The following ATL2 variants were observed in gnomAD, a reference collection of about 807,000 sequenced individuals.
ATL2 encodes the protein atlastin GTPase 2.
In ATL2, 31 loss-of-function variants were observed where a neutral mutation model predicts 73.9. That is an observed-to-expected ratio of 0.42 (90% CI 0.32 to 0.57). The LOEUF is 0.57. Among genes scored for constraint, ATL2 ranks in the 20% least tolerant of loss-of-function variants. ATL2 has a pLI of 0.14. For missense variants in ATL2, 738 were observed against 702.6 expected, an observed-to-expected ratio of 1.05 and a Z score of -0.57; for synonymous variants, 291 against 237.5, an observed-to-expected ratio of 1.23 and a Z score of -2.07.
At chr2:38,355,921 C>T (rs1304597390) in intron 1 of ATL2, among the ~76,000 whole-genome samples, 1 of 151,578 alleles carries the variant, frequency 6.6e-6, no homozygotes, top group African/African-American at 2.4e-5. Flanking sequence ...TCTTGAACTC[C>T]TGACCTCAAT....
At chr2:38,364,860 C>T (rs541477812) in intron 1 of ATL2, among the ~76,000 whole-genome samples, 2 of 151,876 alleles carry the variant, frequency 1.3e-5, no homozygotes, top group African/African-American at 2.4e-5. Context: ...CTGGCTAACA[C>T]GGTGAAACTC....
chr2:38,347,179 A>C (rs1339394421), intron 1 of ATL2, among the ~76,000 whole-genome samples: 1 of 152,124 alleles, frequency 6.6e-6, no homozygotes. Flanking sequence ...GCCCTTAAAT[A>C]CCTTACCATG....
intron 1 of ATL2, 103 bp from the exon 2 acceptor site, chr2:38,343,615 TCCCC>T (rs35263768): frequency 8.4e-6 from 8 of 953,962 alleles, no homozygotes; most frequent in Admixed American, 4.8e-5. Flanking sequence ...AATTGCCCCC[TCCCC>T]CCATTATAGA....
intron 1 of ATL2, chr2:38,376,294 G>T (rs1440960957): frequency 2.3e-6 from 3 of 1,331,106 alleles, no homozygotes; most frequent in Non-Finnish European, 2.9e-6. Flanking sequence ...CGCTGCCAAC[G>T]CAACTGCGTC....
intron 1 of ATL2, chr2:38,358,554 C>T (rs1467855716): frequency 6.0e-6 from 2 of 331,328 alleles, no homozygotes; most frequent in Non-Finnish European, 6.3e-6. Flanking sequence ...AAGCCGGACA[C>T]GGTGGCAGGC....
intron 1 of ATL2, among the ~76,000 whole-genome samples, chr2:38,365,188 C>A (rs950228176): frequency 1.3e-5 from 2 of 150,376 alleles, no homozygotes; most frequent in East Asian, 2.0e-4. Context: ...CACACACACA[C>A]AAATACACAC....
intron 2 of ATL2, among the ~76,000 whole-genome samples, chr2:38,338,515 C>A (rs1488335348): frequency 6.9e-6 from 1 of 145,376 alleles, no homozygotes; most frequent in African/African-American, 2.8e-5. Flanking sequence ...TATAAATGAG[C>A]CCACACTGAT....
Position 38,361,615 on chromosome 2 carries a change from A to T in ATL2, c.118+15528T>A, listed in dbSNP as rs1305813965. ...CTCTTTTAAAAAGGATTCAAAATCA[A>T]TATGGCAAATATTATGTATTAGATT... On this transcript the variant is annotated intron_variant, in intron 1 of 12. Coordinates refer to ENST00000378954, the MANE Select transcript of ATL2 (RefSeq NM_001135673.4). 1.4e-4 allele frequency among the ~76,000 whole-genome samples: 22 copies of T among 152,206 alleles called. 1 individual carries two copies. The highest frequency in any genetic ancestry group is 1.2e-3 in the Admixed American group (19 of 15,272).
At chr2:38,344,789 A>G (rs913159294) in intron 1 of ATL2, among the ~76,000 whole-genome samples, 1 of 152,186 alleles carries the variant, frequency 6.6e-6, no homozygotes, top group Non-Finnish European at 1.5e-5. Context: ...ATGTTTCATT[A>G]AAGAAGAGTC....
intron 1 of ATL2, among the ~76,000 whole-genome samples, chr2:38,373,353 G>A (rs1301922086): frequency 1.3e-5 from 2 of 152,212 alleles, no homozygotes; most frequent in Non-Finnish European, 2.9e-5. Context: ...TATCCAGCTA[G>A]CCTCTAAGTG....
chr2:38,352,499 G>GTAGGAATC (rs1200745412), intron 1 of ATL2, among the ~76,000 whole-genome samples: 1 of 152,190 alleles, frequency 6.6e-6, no homozygotes, highest in Non-Finnish European at 1.5e-5. Context: ...TGCTAGAGCA[G>GTAGGAATC]TAGGAATCTG....
Position 38,343,362 on chromosome 2 carries a change from C to T in ATL2, c.269G>A (p.Arg90Gln), listed in dbSNP as rs1669838124. ...LEQILLQEHI[R>Q]DLNIVVVSVA... The stretch of plus-strand genomic sequence containing the variant: ...AGATACCACTACTATGTTAAGATCT[C>T]GTATGTGCTCCTGTAGCAATATCTG... Residue 90 changes from arginine (R) to glutamine (Q), a missense_variant, in exon 2 of 13, where the codon CGA (arginine) becomes CAA (glutamine). Transcript: ENST00000378954. 3 of 1,611,444 alleles carry T rather than the reference C, an allele frequency of 1.9e-6. No individual in the cohort carries two copies. The highest frequency in any genetic ancestry group is 2.2e-5 in the East Asian group (1 of 44,810).
At chr2:38,370,764 T>TCAAAACGAAACAAAACAAAA (rs1414807522) in intron 1 of ATL2, among the ~76,000 whole-genome samples, 2 of 151,320 alleles carry the variant, frequency 1.3e-5, no homozygotes, top group African/African-American at 4.9e-5. Flanking sequence ...AGACTCGATC[T>TCAAAACGAAACAAAACAAAA]CAAAACGAAA....
intron 7 of ATL2, 136 bp from the exon 8 acceptor site, chr2:38,310,583 C>A: frequency 2.3e-4 from 98 of 434,774 alleles, no homozygotes; most frequent in Middle Eastern, 7.0e-4. Flanking sequence ...TTTGACAATA[C>A]AAAAAATTAT....
intron 1 of ATL2, among the ~76,000 whole-genome samples, chr2:38,366,946 A>G (rs1198115822): frequency 6.6e-6 from 1 of 152,162 alleles, no homozygotes; most frequent in Admixed American, 6.5e-5. Context: ...TCAAGAGAAG[A>G]GATGATAACT....
intron 2 of ATL2, among the ~76,000 whole-genome samples, chr2:38,320,647 C>G (rs1486054416): frequency 6.6e-6 from 1 of 152,106 alleles, no homozygotes; most frequent in African/African-American, 2.4e-5. Flanking sequence ...GTTTAGTATA[C>G]TTAAAGCCCA....
At position 38,318,874 on chromosome 2, in the gene ATL2, C is replaced by T. The variant is rs377563971; in HGVS notation, c.498+11G>A. 7 of 1,608,950 alleles carry T rather than the reference C, an allele frequency of 4.4e-6. No homozygotes were observed. The highest frequency in any genetic ancestry group is 3.4e-5 in the Admixed American group (2 of 58,950). On this transcript the variant is annotated intron_variant, in intron 3 of 12. Transcript: ENST00000378954. ...AGAATACAGGGTAGAAAAGTATAAA[C>T]AGAATTTTACTTTAGTTCCATTAGG...
At chr2:38,353,380 G>T (rs903256226) in intron 1 of ATL2, among the ~76,000 whole-genome samples, 3 of 152,106 alleles carry the variant, frequency 2.0e-5, no homozygotes, top group African/African-American at 4.8e-5. Context: ...CTTGCAAAGA[G>T]ATCAAAAGAG....
chr2:38,343,173 AAAAAAG>A, intron 2 of ATL2, 89 bp downstream of exon 2: 1 of 775,246 alleles, frequency 1.3e-6, no homozygotes, highest in Non-Finnish European at 1.8e-6. Context: ...AAAAAAAAAA[AAAAAAG>A]ATATAGTTCT....
Sources: gnomAD v4.1 joint callset for allele counts (sites outside exome capture counted in the v4.1 genomes callset) on GRCh38, gnomAD v4.1.1 for gene constraint, MANE v1.5 for transcripts, NCBI Gene and HGNC (gene_info 2026-07-23, HGNC 2026-07-21) for gene names.